Variants in MTHFD2L observed in about 807,000 individuals in gnomAD.
MTHFD2L encodes the protein methylenetetrahydrofolate dehydrogenase (NADP+ dependent) 2 like, also known as bifunctional methylenetetrahydrofolate dehydrogenase/cyclohydrolase 2, mitochondrial.
Under a neutral mutation model 34.9 loss-of-function variants are expected in MTHFD2L, and 29 were observed. The ratio of observed to expected loss-of-function variants is 0.83; its 90% CI spans 0.62 to 1.13. The LOEUF (loss-of-function observed/expected upper bound fraction) is 1.13. Among genes scored for constraint, MTHFD2L ranks in the 50% most tolerant of loss-of-function variants. The pLI is 0.00. For synonymous variants in MTHFD2L, 167 were observed against 155.7 expected (o/e 1.07, Z -0.54); for missense variants, 481 against 446.5 (o/e 1.08, Z -0.70).
intron 6 of MTHFD2L, among the ~76,000 whole-genome samples, chr4:74,228,874 G>A (rs79022365): frequency 0.012 from 1,778 of 152,300 alleles, 41 homozygotes; most frequent in African/African-American, 0.041. Flanking sequence ...ATCCCGCTGA[G>A]GGTATTTTCT....
intron 5 of MTHFD2L, among the ~76,000 whole-genome samples, chr4:74,215,232 C>T (rs1449293700): frequency 6.6e-6 from 1 of 151,780 alleles, no homozygotes; most frequent in East Asian, 1.9e-4. Context: ...TTCCAAGCGA[C>T]ACTGGGATAT....
At position 74,233,349 on chromosome 4, in the gene MTHFD2L, G is replaced by C. The variant is rs184956706; in HGVS notation, c.805+7955G>C. Among the ~76,000 whole-genome samples, 62 of 152,118 alleles carry C rather than the reference G, an allele frequency of 4.1e-4. 1 individual carries two copies. The East Asian group carries it at 7.9e-3, about 19-fold the overall frequency. On this transcript the variant is annotated intron_variant, in intron 6 of 7. Transcript: ENST00000325278. ...GAAACGTGGTCTTTAAAGTAAAGAG[G>C]GTTTGGTTTTAAATTCAATTTTAAC...
chr4:74,267,779 A>G (rs1745498679), intron 6 of MTHFD2L: 1 of 985,262 alleles, frequency 1.0e-6, no homozygotes, highest in East Asian at 1.1e-4. Context: ...TGGACCCCAC[A>G]GGTCCATTGA....
chr4:74,194,164 T>G (rs1733069462), intron 3 of MTHFD2L: 1 of 152,208 alleles, frequency 6.6e-6, no homozygotes, highest in South Asian at 2.1e-4. Flanking sequence ...TCCTGTGTGT[T>G]TGTTCAGGGG....
intron 1 of MTHFD2L, among the ~76,000 whole-genome samples, chr4:74,127,087 G>T (rs1578220646): frequency 6.7e-6 from 1 of 148,844 alleles, no homozygotes; most frequent in African/African-American, 2.6e-5. Context: ...TGCCATGATT[G>T]TAAGTTTCCT....
chr4:74,298,331 T>C (rs569637381), intron 7 of MTHFD2L, among the ~76,000 whole-genome samples: 5 of 152,162 alleles, frequency 3.3e-5, no homozygotes, highest in Non-Finnish European at 7.4e-5. Flanking sequence ...TATTACCCCT[T>C]ACATAGCCTG....
intron 5 of MTHFD2L, among the ~76,000 whole-genome samples, chr4:74,205,737 G>T (rs938421045): frequency 6.6e-6 from 1 of 152,068 alleles, no homozygotes; most frequent in Non-Finnish European, 1.5e-5. Context: ...AGAAGGCTTT[G>T]CAGAGGATAT....
chr4:74,272,293 T>A (rs979859273), intron 6 of MTHFD2L, among the ~76,000 whole-genome samples: 1 of 152,132 alleles, frequency 6.6e-6, no homozygotes, highest in African/African-American at 2.4e-5. Context: ...TTAGGAGTTA[T>A]TGGAAATGCC....
intron 7 of MTHFD2L, among the ~76,000 whole-genome samples, chr4:74,293,146 T>G (rs1189555908): frequency 1.3e-5 from 2 of 152,134 alleles, no homozygotes; most frequent in Non-Finnish European, 2.9e-5. Flanking sequence ...GCTGCACCCA[T>G]CAACCCATTG....
intron 1 of MTHFD2L, among the ~76,000 whole-genome samples, chr4:74,135,571 A>G (rs2109817872): frequency 6.6e-6 from 1 of 152,288 alleles, no homozygotes; most frequent in Non-Finnish European, 1.5e-5. Context: ...TCTACCAAAC[A>G]TTTAAAGAAC....
intron 7 of MTHFD2L, among the ~76,000 whole-genome samples, chr4:74,287,935 A>G (rs1270253187): frequency 6.6e-6 from 1 of 152,132 alleles, no homozygotes; most frequent in Admixed American, 6.5e-5. Flanking sequence ...ACTTCTTACA[A>G]TTCTGGAGGC....
intron 5 of MTHFD2L, among the ~76,000 whole-genome samples, chr4:74,218,516 G>A (rs990376210): frequency 1.3e-5 from 2 of 152,032 alleles, no homozygotes; most frequent in African/African-American, 4.8e-5. Context: ...CCTGTTTAAG[G>A]GATTTATAGG....
intron 1 of MTHFD2L, among the ~76,000 whole-genome samples, chr4:74,159,065 G>A (rs924747021): frequency 2.0e-5 from 3 of 152,122 alleles, no homozygotes; most frequent in African/African-American, 4.8e-5. Flanking sequence ...TGTCTCACTC[G>A]AGTTTTTGTA....
At chr4:74,222,741 C>G (rs1229708188) in intron 5 of MTHFD2L, among the ~76,000 whole-genome samples, 1 of 152,008 alleles carries the variant, frequency 6.6e-6, no homozygotes, top group African/African-American at 2.4e-5. Flanking sequence ...TTAGGAAAGA[C>G]TTATGGGAAC....
At chr4:74,270,620 G>A (rs1456973542) in intron 6 of MTHFD2L, among the ~76,000 whole-genome samples, 8 of 152,080 alleles carry the variant, frequency 5.3e-5, no homozygotes, top group East Asian at 1.9e-4. Flanking sequence ...GAGTAGTGCC[G>A]CAATAAACAT....
chr4:74,267,106 T>C, intron 6 of MTHFD2L: 1 of 985,340 alleles, frequency 1.0e-6, no homozygotes, highest in Non-Finnish European at 1.2e-6. Context: ...ACAATTTTCC[T>C]TTAAATAAAT....
intron 6 of MTHFD2L, among the ~76,000 whole-genome samples, chr4:74,232,510 A>G (rs1417418745): frequency 6.6e-6 from 1 of 152,078 alleles, no homozygotes; most frequent in Non-Finnish European, 1.5e-5. Context: ...AGCCTAAGTT[A>G]CTAAGTAAGC....
At chr4:74,301,356 G>A (rs950439674) in intron 7 of MTHFD2L, among the ~76,000 whole-genome samples, 1 of 151,966 alleles carries the variant, frequency 6.6e-6, no homozygotes, top group Non-Finnish European at 1.5e-5. Flanking sequence ...TTTGTGACCA[G>A]TATCATGTAT....
At chr4:74,267,892 T>C in intron 6 of MTHFD2L, 2 of 985,316 alleles carry the variant, frequency 2.0e-6, no homozygotes, top group Non-Finnish European at 2.4e-6. Flanking sequence ...CGATCCAATA[T>C]GGCACAGAGC....
Sources: allele counts gnomAD v4.1 joint callset (sites outside exome capture counted in the v4.1 genomes callset), GRCh38; gene constraint gnomAD v4.1.1; transcripts MANE v1.5; gene names NCBI Gene and HGNC (gene_info 2026-07-23, HGNC 2026-07-21).